Variants in TUSC3 observed in about 807,000 individuals in gnomAD.
TUSC3 encodes dolichyl-diphosphooligosaccharide--protein glycosyltransferase subunit TUSC3.
TUSC3 carries 45 observed loss-of-function variants against 44.8 expected under a neutral mutation model. That is an observed-to-expected ratio of 1.00 (90% confidence interval 0.79 to 1.29). The LOEUF (loss-of-function observed/expected upper bound fraction) is 1.29, where lower values mean the gene tolerates loss of function less well. TUSC3 is among the 50% of genes most tolerant of loss of function. TUSC3 has a pLI of 0.00. For missense variants in TUSC3, 519 were observed against 437.9 expected (o/e 1.19, Z -1.65); for synonymous variants, 212 against 152.9 (o/e 1.39, Z -2.85).
intron 1 of TUSC3, among the ~76,000 whole-genome samples, chr8:15,442,573 A>G (rs897545236): frequency 6.6e-6 from 1 of 152,142 alleles, no homozygotes; most frequent in African/African-American, 2.4e-5. Context: ...AACATGCACA[A>G]TATTAAAAAG....
chr8:15,740,066 A>G (rs1010122241), intron 7 of TUSC3, among the ~76,000 whole-genome samples: 2 of 152,166 alleles, frequency 1.3e-5, no homozygotes. Context: ...ATACAATCTG[A>G]AATTTCTTTC....
chr8:15,499,267 T>C (rs1800923988), intron 2 of TUSC3, among the ~76,000 whole-genome samples: 2 of 152,226 alleles, frequency 1.3e-5, no homozygotes, highest in African/African-American at 4.8e-5. Flanking sequence ...ATTTCTATGT[T>C]TTCCTTATCA....
At chr8:15,712,585 T>A (rs983420138) in intron 6 of TUSC3, among the ~76,000 whole-genome samples, 1 of 152,076 alleles carries the variant, frequency 6.6e-6, no homozygotes. Flanking sequence ...CAAAGGACAC[T>A]AAGATTTCCT....
chr8:15,753,425 C>T (rs1321005351), intron 9 of TUSC3, among the ~76,000 whole-genome samples: 1 of 152,044 alleles, frequency 6.6e-6, no homozygotes, highest in African/African-American at 2.4e-5. Context: ...TTATTTTGCT[C>T]TCTCAGGTTT....
At chr8:15,745,822 G>A (rs983553371) in intron 8 of TUSC3, among the ~76,000 whole-genome samples, 1 of 151,932 alleles carries the variant, frequency 6.6e-6, no homozygotes, top group Non-Finnish European at 1.5e-5. Context: ...ATTTGCAATT[G>A]CCTTTGGAGA....
the TUSC3 span, among the ~76,000 whole-genome samples, chr8:15,826,337 G>C: frequency 6.6e-6 from 1 of 152,004 alleles, no homozygotes; most frequent in Non-Finnish European, 1.5e-5. Context: ...TCCAGACAGC[G>C]AATAAATAAC....
At chr8:15,533,563 A>T (rs1335675345) in intron 2 of TUSC3, among the ~76,000 whole-genome samples, 2 of 152,200 alleles carry the variant, frequency 1.3e-5, no homozygotes. Context: ...TGAGGGAGGT[A>T]TGTAGCTTTT....
intron 1 of TUSC3, among the ~76,000 whole-genome samples, chr8:15,585,360 G>C (rs1585126682): frequency 6.6e-6 from 1 of 152,168 alleles, no homozygotes; most frequent in South Asian, 2.1e-4. Context: ...TTCTTATTCT[G>C]AGGTATCACC....
At chr8:15,680,099 CT>C (rs34530180) in intron 6 of TUSC3, among the ~76,000 whole-genome samples, 31,644 of 149,916 alleles carry the variant, frequency 0.21, 4,223 homozygotes, top group Non-Finnish European at 0.3. Flanking sequence ...TTTAGAATAG[CT>C]TTTTTTTTTC....
intron 2 of TUSC3, among the ~76,000 whole-genome samples, chr8:15,625,246 A>AT (rs372462856): frequency 2.7e-5 from 4 of 148,886 alleles, no homozygotes; most frequent in Admixed American, 1.3e-4. Flanking sequence ...CAGTTTGCTA[A>AT]TTTTTTTTTG....
rs149918084 is a variant in TUSC3 at position 15,668,971 on chromosome 8, A to G, written c.709-4776A>G. 3.7e-4 allele frequency among the ~76,000 whole-genome samples: 56 copies of G among 151,862 alleles called. No homozygotes were observed. The East Asian group carries it at 0.01, about 28-fold the overall frequency. On this transcript the variant is annotated intron_variant, in intron 5 of 10. Coordinates refer to ENST00000503731, the MANE Select transcript of TUSC3 (RefSeq NM_006765.4). Reference sequence around the variant, plus strand: ...GTTTCCCAAGTGGAAAGCTTCTAAAAAGCAGAGTAGAGTATTTTGCAATCT... The same window carrying G: ...GTTTCCCAAGTGGAAAGCTTCTAAAGAGCAGAGTAGAGTATTTTGCAATCT...
At chr8:15,471,294 T>A (rs1800490852) in intron 1 of TUSC3, among the ~76,000 whole-genome samples, 1 of 152,202 alleles carries the variant, frequency 6.6e-6, no homozygotes, top group Admixed American at 6.5e-5. Flanking sequence ...AATTTGGTGA[T>A]GTTCTTGTGA....
chr8:15,798,074 T>A, the TUSC3 span, among the ~76,000 whole-genome samples: 1 of 152,218 alleles, frequency 6.6e-6, no homozygotes, highest in East Asian at 1.9e-4. Context: ...GGTACGGAGC[T>A]ATTTCTATGT....
At chr8:15,757,589 T>C (rs1451246660) in intron 9 of TUSC3, among the ~76,000 whole-genome samples, 1 of 152,168 alleles carries the variant, frequency 6.6e-6, no homozygotes, top group Non-Finnish European at 1.5e-5. Context: ...CCTGGCTTTG[T>C]AAAATGACTT....
At chr8:15,718,121 A>G (rs949250224) in intron 6 of TUSC3, among the ~76,000 whole-genome samples, 1 of 152,132 alleles carries the variant, frequency 6.6e-6, no homozygotes, top group Non-Finnish European at 1.5e-5. Flanking sequence ...TAAGTTTTCA[A>G]ATGTTTGTGA....
At chr8:15,443,848 C>A (rs899457970) in intron 1 of TUSC3, among the ~76,000 whole-genome samples, 2 of 152,152 alleles carry the variant, frequency 1.3e-5, no homozygotes, top group African/African-American at 2.4e-5. Context: ...TGGCACCACC[C>A]AGACGGATAA....
chr8:15,614,435 G>C (rs1017053599), intron 1 of TUSC3, among the ~76,000 whole-genome samples: 1 of 152,132 alleles, frequency 6.6e-6, no homozygotes, highest in African/African-American at 2.4e-5. Flanking sequence ...ATTTGTGACT[G>C]TTTACAGTTA....
chr8:15,434,211 CATTTT>C (rs1799915477), intron 1 of TUSC3, among the ~76,000 whole-genome samples: 2 of 151,652 alleles, frequency 1.3e-5, no homozygotes, highest in African/African-American at 4.8e-5. Context: ...TAATAATAAT[CATTTT>C]ATGTATTTGC....
chr8:15,477,194 C>T (rs1010421825), intron 1 of TUSC3, among the ~76,000 whole-genome samples: 6 of 152,154 alleles, frequency 3.9e-5, no homozygotes, highest in African/African-American at 1.4e-4. Flanking sequence ...TCCCTGACTC[C>T]AGACCCTATT....
Sources: gnomAD v4.1 joint callset for allele counts (sites outside exome capture counted in the v4.1 genomes callset) on GRCh38, gnomAD v4.1.1 for gene constraint, MANE v1.5 for transcripts, NCBI Gene and HGNC (gene_info 2026-07-23, HGNC 2026-07-21) for gene names.